LHFPL3: variants seen among roughly 807,000 people sequenced by gnomAD.
LHFPL3 encodes the protein LHFPL tetraspan subfamily member 3 protein.
Under a neutral mutation model 19.3 loss-of-function variants are expected in LHFPL3, and 5 were observed. That is an observed-to-expected ratio of 0.26 (90% confidence interval 0.14 to 0.54). The LOEUF is 0.54. LHFPL3 is among the 20% of genes least tolerant of loss of function. The pLI, the probability that LHFPL3 is intolerant of heterozygous loss-of-function variation, is 0.94. For missense variants in LHFPL3, 249 were observed against 307.4 expected (o/e 0.81, Z 1.42); for synonymous variants, 133 against 126.2 (o/e 1.05, Z -0.36).
intron 1 of LHFPL3, among the ~76,000 whole-genome samples, chr7:104,514,672 G>C (rs1793887619): frequency 1.3e-5 from 2 of 152,158 alleles, no homozygotes; most frequent in African/African-American, 2.4e-5. Flanking sequence ...AACTAGGGAT[G>C]GTTCTCAAAC....
At chr7:104,872,763 TATG>T (rs1791860973) in intron 2 of LHFPL3, among the ~76,000 whole-genome samples, 1 of 152,246 alleles carries the variant, frequency 6.6e-6, no homozygotes, top group African/African-American at 2.4e-5. Flanking sequence ...TGTCATCTTC[TATG>T]ATAACCATTC....
chr7:104,638,825 C>G (rs1298233853), intron 1 of LHFPL3, among the ~76,000 whole-genome samples: 1 of 150,502 alleles, frequency 6.6e-6, no homozygotes, highest in Non-Finnish European at 1.5e-5. Flanking sequence ...TGCAGTGGCA[C>G]AATCTCAGCT....
intron 1 of LHFPL3, among the ~76,000 whole-genome samples, chr7:104,362,576 A>T (rs555611344): frequency 6.6e-6 from 1 of 152,196 alleles, no homozygotes; most frequent in Admixed American, 6.5e-5. Flanking sequence ...TGTTTCCTCA[A>T]TGCTATGTAA....
chr7:104,690,990 C>T (rs866343961), intron 1 of LHFPL3, among the ~76,000 whole-genome samples: 11 of 152,278 alleles, frequency 7.2e-5, no homozygotes, highest in Admixed American at 2.0e-4. Context: ...TGAATCACAG[C>T]GGAGGCCTCT....
At chr7:104,731,957 C>T (rs958313217) in intron 1 of LHFPL3, among the ~76,000 whole-genome samples, 2 of 152,076 alleles carry the variant, frequency 1.3e-5, no homozygotes, top group African/African-American at 4.8e-5. Flanking sequence ...TTGTCAAAGG[C>T]CTTTTCTGCA....
chr7:104,358,376 C>T (rs944019275), intron 1 of LHFPL3, among the ~76,000 whole-genome samples: 3 of 152,060 alleles, frequency 2.0e-5, no homozygotes, highest in East Asian at 1.9e-4. Context: ...ACAGTGGGCT[C>T]GAAATTGAAA....
At chr7:104,901,991 A>G (rs1792495447) in intron 2 of LHFPL3, among the ~76,000 whole-genome samples, 1 of 152,008 alleles carries the variant, frequency 6.6e-6, no homozygotes, top group African/African-American at 2.4e-5. Flanking sequence ...CTGGCTTCAC[A>G]CTTTCATTTT....
Position 104,888,367 on chromosome 7 carries a change from CA to C in LHFPL3, c.683-17812del, listed in dbSNP as rs563669593. ...ACAATATAGCAAGACCCAATCTCTA[CA>C]AAAAAAATTTAAATTGCCAGGTGTT... On this transcript the variant is annotated intron_variant, in intron 2 of 2. Transcript: ENST00000424859. Among the ~76,000 whole-genome samples the C allele has an allele frequency of 1.6e-3, 249 of 151,982 alleles. 1 individual carries two copies. The highest frequency in any genetic ancestry group is 5.6e-3 in the African/African-American group (234 of 41,444).
intron 2 of LHFPL3, among the ~76,000 whole-genome samples, chr7:104,874,656 G>A (rs767226565): frequency 1.3e-5 from 2 of 151,654 alleles, no homozygotes; most frequent in African/African-American, 2.4e-5. Context: ...TGATCTGCCC[G>A]CCTCGGCTGC....
intron 1 of LHFPL3, among the ~76,000 whole-genome samples, chr7:104,382,913 C>A (rs893830603): frequency 1.0e-4 from 6 of 59,082 alleles, no homozygotes; most frequent in African/African-American, 3.4e-4. Flanking sequence ...AATCAAAATG[C>A]CTATTGCATA....
chr7:104,576,365 G>A (rs1207591946), intron 1 of LHFPL3, among the ~76,000 whole-genome samples: 3 of 152,116 alleles, frequency 2.0e-5, no homozygotes, highest in African/African-American at 4.8e-5. Context: ...TTATTAAACT[G>A]GGGAAGGGGA....
At chr7:104,338,390 C>T (rs1023373114) in intron 1 of LHFPL3, among the ~76,000 whole-genome samples, 2 of 152,054 alleles carry the variant, frequency 1.3e-5, no homozygotes, top group African/African-American at 4.8e-5. Context: ...TGAACCACTG[C>T]GCCCAGCCAA....
intron 2 of LHFPL3, among the ~76,000 whole-genome samples, chr7:104,805,552 T>C (rs1790343626): frequency 6.6e-6 from 1 of 152,198 alleles, no homozygotes. Flanking sequence ...AGTTCCTTCC[T>C]ATTCCCCTGC....
intron 2 of LHFPL3, among the ~76,000 whole-genome samples, chr7:104,810,036 C>A (rs1790436010): frequency 6.6e-6 from 1 of 152,182 alleles, no homozygotes; most frequent in Non-Finnish European, 1.5e-5. Flanking sequence ...TTGGAGGAAG[C>A]AACAACTAAG....
intron 2 of LHFPL3, among the ~76,000 whole-genome samples, chr7:104,781,803 C>T (rs1794721187): frequency 6.6e-6 from 1 of 152,162 alleles, no homozygotes; most frequent in Admixed American, 6.5e-5. Context: ...ACCACTCCTT[C>T]CTACTTGAAG....
intron 2 of LHFPL3, among the ~76,000 whole-genome samples, chr7:104,762,148 GGCATGAGAGGGTTA>G (rs1288197556): frequency 6.6e-6 from 1 of 152,134 alleles, no homozygotes; most frequent in East Asian, 1.9e-4. Context: ...AACACTACCT[GGCATGAGAGGGTTA>G]ACATCCAGGA....
chr7:104,594,357 T>A (rs1790794267), intron 1 of LHFPL3, among the ~76,000 whole-genome samples: 1 of 152,236 alleles, frequency 6.6e-6, no homozygotes, highest in Admixed American at 6.5e-5. Context: ...GAATGTTGAC[T>A]ATTGGCTCCC....
At position 104,386,820 on chromosome 7, in the gene LHFPL3, C is replaced by G. The variant is rs75315070; in HGVS notation, c.445+57596C>G. Among the ~76,000 whole-genome samples, 4 of 152,170 alleles carry G rather than the reference C, an allele frequency of 2.6e-5. No individual in the cohort carries two copies. The East Asian group carries it at 7.7e-4, about 29-fold the overall frequency. On this transcript the variant is annotated intron_variant, in intron 1 of 2. Transcript: ENST00000424859. ...TAGAATGCAGATTATTTCAAGAAAG[C>G]CACTAAATAAAAACAACAAAAACAC...
intron 2 of LHFPL3, among the ~76,000 whole-genome samples, chr7:104,747,139 C>T (rs1794061994): frequency 1.3e-5 from 2 of 152,180 alleles, no homozygotes; most frequent in African/African-American, 4.8e-5. Flanking sequence ...TATTCCTTTA[C>T]AACATTTATT....
Sources: gnomAD v4.1 joint callset for allele counts (sites outside exome capture counted in the v4.1 genomes callset) on GRCh38, gnomAD v4.1.1 for gene constraint, MANE v1.5 for transcripts, NCBI Gene and HGNC (gene_info 2026-07-23, HGNC 2026-07-21) for gene names.